Variants in PDE4B observed in about 807,000 individuals in gnomAD.
PDE4B encodes the protein phosphodiesterase 4B.
A neutral mutation model predicts 82.2 loss-of-function variants in PDE4B; 20 were observed. The ratio of observed to expected loss-of-function variants is 0.24; its 90% CI spans 0.17 to 0.35. PDE4B has a LOEUF of 0.35. Ranked by LOEUF, PDE4B falls within the 10% of genes least tolerant of loss-of-function variation. The probability of loss-of-function intolerance (pLI) is 1.00; values close to 1 mark genes in which losing one functional copy is unlikely to be tolerated. For missense variants in PDE4B, 655 were observed against 907.2 expected, an observed-to-expected ratio of 0.72 and a Z score of 3.57; for synonymous variants, 320 against 318.9, an observed-to-expected ratio of 1.00 and a Z score of -0.04.
intron 3 of PDE4B, among the ~76,000 whole-genome samples, chr1:66,168,453 C>A (rs1646777971): frequency 6.6e-6 from 1 of 152,066 alleles, no homozygotes; most frequent in Admixed American, 6.6e-5. Context: ...TGGGAGTGAG[C>A]TATGGAGCAA....
At chr1:65,931,934 T>C (rs1054702290) in intron 3 of PDE4B, among the ~76,000 whole-genome samples, 1 of 152,166 alleles carries the variant, frequency 6.6e-6, no homozygotes, top group Non-Finnish European at 1.5e-5. Context: ...CAGGGGCTGG[T>C]AAGAACAAAG....
chr1:65,869,159 A>G (rs190384977), intron 1 of PDE4B, among the ~76,000 whole-genome samples: 13 of 152,318 alleles, frequency 8.5e-5, no homozygotes, highest in Admixed American at 7.2e-4. Flanking sequence ...AAGTGTAGGC[A>G]TGTAATGCAG....
chr1:65,950,881 A>C (rs1648958708), intron 3 of PDE4B, among the ~76,000 whole-genome samples: 1 of 152,130 alleles, frequency 6.6e-6, no homozygotes, highest in Non-Finnish European at 1.5e-5. Flanking sequence ...TTACAGAGCT[A>C]TTAGGAACTA....
intron 3 of PDE4B, among the ~76,000 whole-genome samples, chr1:66,161,425 G>T (rs574013644): frequency 6.6e-6 from 1 of 152,116 alleles, no homozygotes; most frequent in African/African-American, 2.4e-5. Context: ...TACCCTAAAT[G>T]CATTTCTGGT....
chr1:65,974,552 A>G (rs994518811), intron 3 of PDE4B, among the ~76,000 whole-genome samples: 3 of 152,082 alleles, frequency 2.0e-5, no homozygotes, highest in African/African-American at 4.8e-5. Flanking sequence ...AGTCTCACAA[A>G]CCTTCTCATG....
intron 3 of PDE4B, among the ~76,000 whole-genome samples, chr1:66,090,738 T>C (rs368990701): frequency 9.2e-5 from 3 of 32,698 alleles, no homozygotes; most frequent in African/African-American, 1.7e-4. Context: ...TGTATGTATA[T>C]ATACATATAT....
chr1:66,316,691 A>G (rs1394690768), intron 7 of PDE4B, among the ~76,000 whole-genome samples: 3 of 152,254 alleles, frequency 2.0e-5, no homozygotes, highest in African/African-American at 7.2e-5. Context: ...TTAAACAGAC[A>G]TTGCATTATA....
rs112878961 is a variant in PDE4B at position 66,102,176 on chromosome 1, C to T, written c.282-145284C>T. On this transcript the variant is annotated intron_variant, in intron 3 of 16. Coordinates refer to ENST00000341517, the MANE Select transcript of PDE4B (RefSeq NM_002600.4). ...GGTACTATTTCTGAGGCCTCTATTCCGTTCCATTGGTCTATATCTCTATAA... is the reference window on the plus strand; with the variant it reads ...GGTACTATTTCTGAGGCCTCTATTCTGTTCCATTGGTCTATATCTCTATAA... 9.9e-3 allele frequency among the ~76,000 whole-genome samples: 1,503 copies of T among 151,944 alleles called. 35 individuals carry two copies. Among genetic ancestry groups the T allele is most frequent in the African/African-American group, 0.034 (1,428 of 41,474 alleles).
chr1:65,909,008 G>C (rs1367609126), intron 1 of PDE4B, among the ~76,000 whole-genome samples: 1 of 152,124 alleles, frequency 6.6e-6, no homozygotes, highest in African/African-American at 2.4e-5. Flanking sequence ...CCCACTCCAA[G>C]TCCCAGACAC....
intron 7 of PDE4B, chr1:66,330,637 G>A (rs1197840726): frequency 1.2e-5 from 3 of 246,638 alleles, no homozygotes; most frequent in Non-Finnish European, 1.9e-5. Context: ...CAGCTGGGAA[G>A]TGGTTGGACT....
In PDE4B at chr1:66,257,601, T is replaced by A. The variant is rs1198740613; in HGVS notation, c.477-46T>A. 5.3e-6 allele frequency: 8 copies of A among 1,515,214 alleles called. No individual in the cohort carries two copies. The Admixed American group carries it at 6.7e-5, about 13-fold the overall frequency. The allele number at this position is 1,515,214 out of a possible 1,614,324, so 93.9% of individuals were successfully genotyped here. On this transcript the variant is annotated intron_variant, in intron 4 of 16. Coordinates refer to ENST00000341517, the MANE Select transcript of PDE4B (RefSeq NM_002600.4). ...TATTATAGCTTATATGTCACAGTTA[T>A]AATTCAAGTAAATTTCTAAAGGTTC...
intron 7 of PDE4B, among the ~76,000 whole-genome samples, chr1:66,289,515 G>T (rs941511899): frequency 2.6e-5 from 4 of 152,032 alleles, no homozygotes; most frequent in Admixed American, 2.6e-4. Flanking sequence ...AAGGTCTTGA[G>T]AAAGGTATAT....
At chr1:65,883,228 T>C (rs141859913) in intron 1 of PDE4B, among the ~76,000 whole-genome samples, 17,060 of 152,204 alleles carry the variant, frequency 0.11, 1,039 homozygotes, top group Admixed American at 0.16. Flanking sequence ...TGGCATTGAA[T>C]CTATAAATTA....
At chr1:66,261,518 G>A (rs140838246) in intron 6 of PDE4B, among the ~76,000 whole-genome samples, 3 of 152,268 alleles carry the variant, frequency 2.0e-5, no homozygotes, top group African/African-American at 7.2e-5. Context: ...AGCAATAATT[G>A]TGTCCTAGGA....
intron 3 of PDE4B, among the ~76,000 whole-genome samples, chr1:65,932,385 A>G (rs1647886025): frequency 6.6e-6 from 1 of 152,150 alleles, no homozygotes; most frequent in East Asian, 1.9e-4. Flanking sequence ...TGTACCTAGC[A>G]TACTCTAGAT....
intron 3 of PDE4B, among the ~76,000 whole-genome samples, chr1:66,152,960 CT>C (rs887688118): frequency 1.3e-5 from 2 of 152,166 alleles, no homozygotes; most frequent in African/African-American, 4.8e-5. Context: ...ATAAAGTCAG[CT>C]GATTGTAGAT....
intron 3 of PDE4B, among the ~76,000 whole-genome samples, chr1:65,964,259 CA>C (rs796425685): frequency 1.4e-4 from 22 of 152,154 alleles, no homozygotes; most frequent in African/African-American, 4.8e-4. Flanking sequence ...TGTTTATTTA[CA>C]AAAGTCTTCC....
At chr1:65,919,789 G>T (rs1647205312) in intron 3 of PDE4B, among the ~76,000 whole-genome samples, 1 of 152,072 alleles carries the variant, frequency 6.6e-6, no homozygotes, top group Non-Finnish European at 1.5e-5. Flanking sequence ...CTGATGAGTA[G>T]CCCAGTATGT....
Position 66,223,703 on chromosome 1 carries a change from A to G in PDE4B, c.282-23757A>G, listed in dbSNP as rs1222584231. On this transcript the variant is annotated intron_variant, in intron 3 of 16. Coordinates refer to ENST00000341517, the MANE Select transcript of PDE4B (RefSeq NM_002600.4). ...TCATTCCCCCCCAGCCCCACATTCA[A>G]TGCACTGCAGTGCATAGAGAAAGAG... Among the ~76,000 whole-genome samples the G allele has an allele frequency of 6.0e-5, 9 of 151,212 alleles. No homozygotes were observed. The East Asian group carries it at 1.8e-3, about 30-fold the overall frequency.
Sources: allele counts gnomAD v4.1 joint callset (sites outside exome capture counted in the v4.1 genomes callset), GRCh38; gene constraint gnomAD v4.1.1; transcripts MANE v1.5; gene names NCBI Gene and HGNC (gene_info 2026-07-23, HGNC 2026-07-21).